ATP9A: variants seen among roughly 807,000 people sequenced by gnomAD.
The protein encoded by ATP9A is probable phospholipid-transporting ATPase IIA.
In ATP9A, 52 loss-of-function variants were observed where a neutral mutation model predicts 144.1. That is an observed-to-expected ratio of 0.36 (90% CI 0.29 to 0.45). ATP9A has a LOEUF of 0.45. Ranked by LOEUF, ATP9A falls within the 20% of genes least tolerant of loss-of-function variation. ATP9A has a pLI of 1.00. For synonymous variants in ATP9A, 582 were observed against 557.4 expected, an observed-to-expected ratio of 1.04 and a Z score of -0.62; for missense variants, 947 against 1,392.7, an observed-to-expected ratio of 0.68 and a Z score of 5.09.
chr20:51,648,661 T>A (rs547836144), intron 14 of ATP9A, among the ~76,000 whole-genome samples: 2 of 152,186 alleles, frequency 1.3e-5, no homozygotes, highest in African/African-American at 4.8e-5. Flanking sequence ...AAGACCCCCA[T>A]TGCTACAATA....
rs183426344 is a variant in ATP9A, at chr20:51,761,501, G to T, written c.68+6801C>A. Among the ~76,000 whole-genome samples the T allele has an allele frequency of 1.4e-4, 22 of 152,074 alleles. No homozygotes were observed. The East Asian group carries it at 1.9e-3, about 13-fold the overall frequency. On this transcript the variant is annotated intron_variant, in intron 1 of 27. Transcript: ENST00000338821. ...CTTTGGCCGGGCGCCGTGGCTCACG[G>T]CTGTAATCCCAGCACTTTGGGAGGC...
chr20:51,638,067 CAT>C (rs2077300371), intron 15 of ATP9A, among the ~76,000 whole-genome samples: 1 of 65,596 alleles, frequency 1.5e-5, no homozygotes, highest in Non-Finnish European at 2.9e-5. Context: ...AGCATTTCAT[CAT>C]TTTATATATA....
Position 51,628,980 on chromosome 20 carries a change from C to G in ATP9A, c.1761G>C (p.Glu587Asp), listed in dbSNP as rs755650462. The G allele has an allele frequency of 6.2e-7, 1 of 1,612,842 alleles. No homozygotes were observed. Among genetic ancestry groups the G allele is most frequent in the Non-Finnish European group, 8.5e-7 (1 of 1,178,872 alleles). ...IVQYNDWLEE[E>D]CGNMAREGLR... ...GTTTAACTTCCTGCATCACACTTAC[C>G]TCTTCCTCCAACCAGTCATTGTACT... The change falls in exon 16 of 28, where the codon GAG becomes GAC. Residue 587 changes from glutamate (E) to aspartate (D), a missense_variant and splice_region_variant. Physicochemically the swap from Glu to Asp is conservative, Grantham distance 45 (BLOSUM62 2). This residue lies in a region of ATP9A where 770 missense variants were observed against 1,047.9 expected (regional missense o/e 0.73). Coordinates refer to ENST00000338821, the MANE Select transcript of ATP9A (RefSeq NM_006045.3).
intron 26 of ATP9A, 65 bp from the exon 27 acceptor site, chr20:51,605,085 C>A (rs1415106213): frequency 1.4e-6 from 2 of 1,384,830 alleles, no homozygotes; most frequent in East Asian, 5.4e-5. Flanking sequence ...TGCTCGCCTA[C>A]ACCTGGCTCC....
chr20:51,683,953 C>CA (rs1210690034), intron 9 of ATP9A, among the ~76,000 whole-genome samples: 2 of 152,142 alleles, frequency 1.3e-5, no homozygotes, highest in East Asian at 1.9e-4. Flanking sequence ...TAGCATGACA[C>CA]AAAAAACAGA....
intron 9 of ATP9A, among the ~76,000 whole-genome samples, chr20:51,685,017 T>TAAAAAAAAAAA (rs11325921): frequency 1.4e-5 from 2 of 139,866 alleles, no homozygotes; most frequent in Admixed American, 7.4e-5. Flanking sequence ...TCTCCAAAAA[T>TAAAAAAAAAAA]AAAAAAAAAA....
At chr20:51,654,598 G>A (rs571114665) in intron 14 of ATP9A, among the ~76,000 whole-genome samples, 2 of 152,088 alleles carry the variant, frequency 1.3e-5, no homozygotes, top group South Asian at 2.1e-4. Context: ...GGTGGCACAC[G>A]CCTGTAGTCC....
chr20:51,724,086 G>A (rs1418276096), intron 3 of ATP9A, among the ~76,000 whole-genome samples: 2 of 151,940 alleles, frequency 1.3e-5, no homozygotes, highest in African/African-American at 4.8e-5. Context: ...CAGAAGAATC[G>A]CTTGGACCCA....
chr20:51,723,433 G>C (rs187261463), intron 3 of ATP9A, among the ~76,000 whole-genome samples: 36 of 152,070 alleles, frequency 2.4e-4, no homozygotes, highest in Admixed American at 2.0e-3. Flanking sequence ...AATTATCCAG[G>C]CATGGTGGCA....
intron 18 of ATP9A, among the ~76,000 whole-genome samples, chr20:51,622,430 A>C (rs1253530824): frequency 6.6e-6 from 1 of 152,216 alleles, no homozygotes; most frequent in African/African-American, 2.4e-5. Flanking sequence ...TACAGGAGGT[A>C]CTATGAAGCT....
chr20:51,692,496 G>C (rs1601108364), intron 7 of ATP9A, among the ~76,000 whole-genome samples: 1 of 152,158 alleles, frequency 6.6e-6, no homozygotes, highest in Admixed American at 6.6e-5. Flanking sequence ...GGGCTGGAGG[G>C]GGAGCGTGGG....
chr20:51,619,347 T>C (rs941771337), intron 19 of ATP9A, among the ~76,000 whole-genome samples: 2 of 152,080 alleles, frequency 1.3e-5, no homozygotes, highest in African/African-American at 2.4e-5. Flanking sequence ...GCAGATCACT[T>C]GAAGTCAGGA....
intron 19 of ATP9A, 95 bp from the exon 20 acceptor site, chr20:51,619,138 C>T: frequency 9.5e-7 from 1 of 1,056,070 alleles, no homozygotes; most frequent in Non-Finnish European, 1.4e-6. Flanking sequence ...AAGACAACGG[C>T]CACCCCAGCC....
At chr20:51,651,154 A>ATATATATATATATATATATATG (rs1171807309) in intron 14 of ATP9A, among the ~76,000 whole-genome samples, 3 of 119,606 alleles carry the variant, frequency 2.5e-5, no homozygotes, top group African/African-American at 9.1e-5. Context: ...CTCTCTCTCC[A>ATATATATATATATATATATATG]TATATATATA....
At chr20:51,756,526 G>C (rs931623185) in intron 1 of ATP9A, among the ~76,000 whole-genome samples, 3 of 151,934 alleles carry the variant, frequency 2.0e-5, no homozygotes, top group African/African-American at 7.3e-5. Flanking sequence ...CCTGACCTCA[G>C]GTGATCCACC....
chr20:51,724,533 G>GA (rs2077704052), intron 3 of ATP9A, among the ~76,000 whole-genome samples: 1 of 152,148 alleles, frequency 6.6e-6, no homozygotes, highest in Non-Finnish European at 1.5e-5. Flanking sequence ...ATGTATCTGG[G>GA]ATACCCCATC....
intron 4 of ATP9A, among the ~76,000 whole-genome samples, chr20:51,709,162 C>T (rs773125449): frequency 3.3e-5 from 5 of 152,150 alleles, no homozygotes; most frequent in Admixed American, 3.3e-4. Flanking sequence ...TGCAACTTGT[C>T]TCAAATGACC....
At chr20:51,737,157 A>C (rs1279099149) in intron 1 of ATP9A, among the ~76,000 whole-genome samples, 7 of 152,180 alleles carry the variant, frequency 4.6e-5, no homozygotes, top group African/African-American at 1.4e-4. Flanking sequence ...CCCTGGGCTA[A>C]GAGCTCTCTG....
At chr20:51,610,013 A>G (rs1375417440) in intron 24 of ATP9A, 88 bp downstream of exon 24, 9 of 1,287,676 alleles carry the variant, frequency 7.0e-6, no homozygotes, top group Non-Finnish European at 1.0e-5. Context: ...TTGGGAACCC[A>G]AGAATTTTTC....
Sources: allele counts gnomAD v4.1 joint callset (sites outside exome capture counted in the v4.1 genomes callset), GRCh38; gene constraint gnomAD v4.1.1; regional missense constraint gnomAD v4.1.1; transcripts MANE v1.5; gene names NCBI Gene and HGNC (gene_info 2026-07-23, HGNC 2026-07-21).